DFFB: variants seen among roughly 807,000 people sequenced by gnomAD.
The protein encoded by DFFB is DNA fragmentation factor 40 kDa subunit.
In DFFB, 29 loss-of-function variants were observed where a neutral mutation model predicts 32.7. The observed-to-expected ratio is 0.89, with a 90% confidence interval of 0.66 to 1.21. DFFB has a LOEUF of 1.21. Among genes scored for constraint, DFFB ranks in the 50% most tolerant of loss-of-function variants. DFFB has a pLI of 0.00. For synonymous variants in DFFB, 170 were observed against 177.1 expected, an observed-to-expected ratio of 0.96 and a Z score of 0.32; for missense variants, 398 against 440.6, an observed-to-expected ratio of 0.90 and a Z score of 0.87.
chr1:3,865,502 C>T lies in DFFB; in HGVS notation c.242-310C>T. On this transcript the variant is annotated intron_variant, in intron 2 of 6. Transcript: ENST00000378209. The surrounding 1 kb of genome is among the most constrained non-coding windows in gnomAD (Gnocchi z 4.7). ...TGAAAGCAAGGTCTCCAGGAAGGGC[C>T]AAAGTGGGGGGCGTATGGTTTGGAG... is the stretch of plus-strand genomic sequence containing the variant. 3.8e-6 allele frequency: 2 copies of T among 520,388 alleles called. No individual in the cohort carries two copies. The highest frequency in any genetic ancestry group is 2.1e-5 in the South Asian group (1 of 47,988). The allele number at this position is 520,388 out of a possible 1,614,324, so 32.2% of individuals were successfully genotyped here. A position where few individuals can be genotyped will look rare whatever the true frequency, so the allele number is the denominator to read the frequency against.
At chr1:3,866,251 T>C (rs1168298308) in intron 3 of DFFB, 2 of 582,494 alleles carry the variant, frequency 3.4e-6, no homozygotes, top group African/African-American at 1.8e-5. Context: ...TTTATAGATA[T>C]GTTTTGAGAT....
In DFFB at chr1:3,882,630, G is replaced by T. The variant is rs147230384; in HGVS notation, c.783-877G>T. ...TCCGCACGCCTCAGCCTCCCAAAGT[G>T]CTGGGATTACAGGTGTGAGCCACTG... On this transcript the variant is annotated intron_variant, in intron 6 of 6. Transcript: ENST00000378209. Among the ~76,000 whole-genome samples, 456 of 152,322 alleles carry T rather than the reference G, an allele frequency of 3.0e-3. 2 individuals carry two copies. Among genetic ancestry groups the T allele is most frequent in the African/African-American group, 8.9e-3 (369 of 41,570 alleles).
At chr1:3,872,631 T>TCCCTGCCGC (rs1645142997) in intron 6 of DFFB, 59 bp downstream of exon 6, 22 of 1,397,780 alleles carry the variant, frequency 1.6e-5, no homozygotes, top group Middle Eastern at 3.5e-4. Context: ...GTCCCTGCCG[T>TCCCTGCCGC]GGCCCTGTCC....
chr1:3,858,623 A>T, intron 1 of DFFB, 95 bp from the exon 2 acceptor site: 1 of 1,467,482 alleles, frequency 6.8e-7, no homozygotes, highest in Non-Finnish European at 9.2e-7. Flanking sequence ...CTGCTTCTTT[A>T]AGCACAGCTC....
At chr1:3,871,314 G>C (rs1645108376) in intron 5 of DFFB, among the ~76,000 whole-genome samples, 1 of 152,172 alleles carries the variant, frequency 6.6e-6, no homozygotes, top group African/African-American at 2.4e-5. Flanking sequence ...TTTGAGACGA[G>C]TCTCGCTCTG....
intron 4 of DFFB, among the ~76,000 whole-genome samples, chr1:3,868,338 C>CT (rs989609093): frequency 6.6e-6 from 1 of 152,080 alleles, no homozygotes; most frequent in Non-Finnish European, 1.5e-5. Context: ...TCCTCCTCTC[C>CT]CCCCGAGGCT....
intron 2 of DFFB, among the ~76,000 whole-genome samples, chr1:3,859,902 C>T (rs1478861997): frequency 1.3e-5 from 2 of 152,056 alleles, no homozygotes; most frequent in African/African-American, 4.8e-5. Flanking sequence ...CAGCAGAGCA[C>T]GTTGCTCTCT....
At chr1:3,859,160 A>C (rs1386683402) in intron 2 of DFFB, among the ~76,000 whole-genome samples, 1 of 152,118 alleles carries the variant, frequency 6.6e-6, no homozygotes, top group Non-Finnish European at 1.5e-5. Context: ...TGGGGCCTGC[A>C]CAGTTTCATG....
Position 3,883,921 on chromosome 1 carries a change from T to C in DFFB, c.*180T>C, listed in dbSNP as rs1570954850. Reference sequence around the variant, plus strand: ...TACATTTCTGAATTGTTGGGGTTTTTTTTGTTGTTTTGTTTTGTTTTGTAG... The same window carrying C: ...TACATTTCTGAATTGTTGGGGTTTTCTTTGTTGTTTTGTTTTGTTTTGTAG... On this transcript the variant is annotated 3_prime_UTR_variant, in exon 7 of 7. Transcript: ENST00000378209. The C allele has an allele frequency of 2.5e-5, 15 of 606,666 alleles. No individual in the cohort carries two copies. The South Asian group carries it at 2.5e-4, about 10-fold the overall frequency. The allele number at this position is 606,666 out of a possible 1,614,324, so 37.6% of individuals were successfully genotyped here. A position where few individuals can be genotyped will look rare whatever the true frequency, so the allele number is the denominator to read the frequency against.
Position 3,868,055 on chromosome 1 carries a change from T to C in DFFB, c.510+2T>C. On this transcript the variant is annotated splice_donor_variant, in intron 4 of 6. Coordinates refer to ENST00000378209, the MANE Select transcript of DFFB (RefSeq NM_004402.4). LOFTEE classifies it high-confidence loss of function. ...CGGATCCGGAGTTACCTGAGGGAGG[T>C]GAGCCTGAGTGAAGACCGGGTATGC... 6.2e-7 allele frequency: 1 copy of C among 1,613,538 alleles called. No homozygotes were observed. Among genetic ancestry groups the C allele is most frequent in the Non-Finnish European group, 8.5e-7 (1 of 1,179,774 alleles).
At chr1:3,876,257 C>T (rs954546456) in intron 6 of DFFB, among the ~76,000 whole-genome samples, 2 of 152,220 alleles carry the variant, frequency 1.3e-5, no homozygotes, top group Admixed American at 6.5e-5. Context: ...ATGCTCTTGT[C>T]CTTTTCAAGA....
intron 3 of DFFB, among the ~76,000 whole-genome samples, chr1:3,866,997 G>A (rs954352317): frequency 2.0e-5 from 3 of 150,958 alleles, no homozygotes; most frequent in Non-Finnish European, 4.4e-5. Context: ...CCGGGTTCAC[G>A]CCATTCTCCA....
intron 5 of DFFB, among the ~76,000 whole-genome samples, chr1:3,870,091 G>A (rs983525137): frequency 7.9e-5 from 12 of 152,214 alleles, no homozygotes; most frequent in African/African-American, 2.4e-4. Flanking sequence ...AGGCTGGAAC[G>A]GCAGCTGGTT....
rs905460392 is a variant in DFFB, at chr1:3,865,153, A to C, written c.242-659A>C. Among the ~76,000 whole-genome samples the C allele has an allele frequency of 1.6e-4, 24 of 151,080 alleles. No individual in the cohort carries two copies. The highest frequency in any genetic ancestry group is 5.8e-4 in the African/African-American group (24 of 41,108). On this transcript the variant is annotated intron_variant, in intron 2 of 6. Transcript: ENST00000378209. The surrounding 1 kb of genome is among the most constrained non-coding windows in gnomAD (Gnocchi z 4.7). ...TTTTCTCTTTTACGCAGTGCTTTTGATGTTAGGTCTAAGGACTTCCACCAA... is the reference window on the plus strand; with the variant it reads ...TTTTCTCTTTTACGCAGTGCTTTTGCTGTTAGGTCTAAGGACTTCCACCAA...
At chr1:3,864,002 C>T (rs1039099336) in intron 2 of DFFB, among the ~76,000 whole-genome samples, 2 of 152,056 alleles carry the variant, frequency 1.3e-5, no homozygotes, top group East Asian at 1.9e-4. Context: ...AAGTCTTGCT[C>T]TCTCCCCAGG....
rs952490044 is a variant in DFFB at position 3,884,374 on chromosome 1, T to G, written c.*633T>G. 2.0e-5 allele frequency: 3 copies of G among 152,730 alleles called. No homozygotes were observed. The highest frequency in any genetic ancestry group is 7.2e-5 in the African/African-American group (3 of 41,452). The allele number at this position is 152,730 out of a possible 1,614,324, so 9.5% of individuals were successfully genotyped here. ...ATGTAATGTGGTCACCATACTCAAATGGTGTCATGGCTGAAGTTGGCCACC... is the reference window on the plus strand; with the variant it reads ...ATGTAATGTGGTCACCATACTCAAAGGGTGTCATGGCTGAAGTTGGCCACC... On this transcript the variant is annotated 3_prime_UTR_variant, in exon 7 of 7. Transcript: ENST00000378209.
intron 3 of DFFB, chr1:3,866,423 T>C: frequency 4.2e-6 from 1 of 238,762 alleles, no homozygotes; most frequent in Non-Finnish European, 8.5e-6. Flanking sequence ...GCCCTGCCAA[T>C]TTTTGTATTT....
intron 6 of DFFB, among the ~76,000 whole-genome samples, chr1:3,877,212 A>G (rs911401066): frequency 2.0e-5 from 3 of 148,954 alleles, no homozygotes; most frequent in Non-Finnish European, 4.4e-5. Context: ...ATTTATTCCT[A>G]CCTTCTACCT....
intron 6 of DFFB, among the ~76,000 whole-genome samples, chr1:3,882,226 T>C (rs1318961823): frequency 7.9e-6 from 1 of 126,626 alleles, no homozygotes; most frequent in African/African-American, 2.9e-5. Context: ...CTAATTTTTT[T>C]GTCATTTTTG....
Sources: gnomAD v4.1 joint callset for allele counts (sites outside exome capture counted in the v4.1 genomes callset) on GRCh38, gnomAD v4.1.1 for gene constraint, Gnocchi (gnomAD v3.1) non-coding constraint, MANE v1.5 for transcripts, NCBI Gene and HGNC (gene_info 2026-07-23, HGNC 2026-07-21) for gene names.